PCLO: variants seen among roughly 807,000 people sequenced by gnomAD.
PCLO encodes piccolo presynaptic cytomatrix protein.
Under a neutral mutation model 427.5 loss-of-function variants are expected in PCLO, and 82 were observed. The observed-to-expected ratio is 0.19, with a 90% CI of 0.16 to 0.23. The LOEUF is 0.23. Ranked by LOEUF, PCLO falls within the 10% of genes least tolerant of loss-of-function variation. The pLI is 1.00. For synonymous variants in PCLO, 2,357 were observed against 2,155.4 expected (o/e 1.09, Z -2.59); for missense variants, 6,239 against 6,115.9 (o/e 1.02, Z -0.67).
At chr7:82,994,922 T>C (rs1796461799) in intron 3 of PCLO, among the ~76,000 whole-genome samples, 1 of 151,998 alleles carries the variant, frequency 6.6e-6, no homozygotes, top group South Asian at 2.1e-4. Context: ...AAGATTATTC[T>C]GTAATTACTG....
chr7:82,797,579 A>C (rs898651494), intron 22 of PCLO, among the ~76,000 whole-genome samples: 1 of 152,156 alleles, frequency 6.6e-6, no homozygotes, highest in Non-Finnish European at 1.5e-5. Context: ...TTTGGATGGG[A>C]TCAAAATGAC....
Position 82,955,623 on chromosome 7 carries a change from T to C in PCLO, c.5330A>G (p.Glu1777Gly). Residue 1777 changes from glutamate to glycine, a missense_variant, in exon 5 of 25, where the codon GAA becomes GGA. This residue lies in a region of PCLO where 4,677 missense variants were observed against 4,468.4 expected (regional missense o/e 1.05). Transcript: ENST00000333891. ...LPTIEDSSEE[E>G]ELREEEELLK... The stretch of plus-strand genomic sequence containing the variant: ...TAATTCTTCTTCCTCTCTCAATTCT[T>C]CTTCCTCTGAAGAATCTTCAATAGT... 6.2e-7 allele frequency: 1 copy of C among 1,613,980 alleles called. No homozygotes were observed. Among genetic ancestry groups the C allele is most frequent in the Non-Finnish European group, 8.5e-7 (1 of 1,179,872 alleles).
Position 82,952,499 on chromosome 7 carries a change from A to T in PCLO, c.8454T>A (p.His2818Gln), listed in dbSNP as rs1194883100. Residue 2818 changes from histidine to glutamine, a missense_variant, in exon 5 of 25, where the codon CAT (histidine) becomes CAA (glutamine). His to Gln is a conservative substitution (Grantham distance 24). This residue lies in a region of PCLO where 4,677 missense variants were observed against 4,468.4 expected (regional missense o/e 1.05). Transcript: ENST00000333891. ...TAAGTTGGAGTGGTGTTGTCATTGC[A>T]TGTTCTGCACCCACTAGGCTTTCTG... is the stretch of plus-strand genomic sequence containing the variant. ...TGTESLVGAE[H>Q]AMTTPLQLTT... is the part of the protein sequence containing the mutation. 2.5e-6 allele frequency: 4 copies of T among 1,613,782 alleles called. No individual in the cohort carries two copies. Among genetic ancestry groups the T allele is most frequent in the Non-Finnish European group, 3.4e-6 (4 of 1,179,856 alleles).
chr7:82,908,987 C>T lies in PCLO; in HGVS notation c.13327G>A (p.Asp4443Asn), dbSNP rs764069302. Reference sequence around the variant, plus strand: ...GACTCCCTGGGTTTATCAAACCAATCTGTTTCCTCACGACGCAGATGATAG... The same window carrying T: ...GACTCCCTGGGTTTATCAAACCAATTTGTTTCCTCACGACGCAGATGATAG... ...EAYHLRREET[D>N]WFDKPRESRL... The change falls in exon 8 of 25, where the codon GAT becomes AAT. Residue 4443 changes from aspartate (D) to asparagine (N), a missense_variant. Asp to Asn is a conservative substitution (Grantham distance 23). Coordinates refer to ENST00000333891, the MANE Select transcript of PCLO (RefSeq NM_033026.6). The T allele has an allele frequency of 3.7e-6, 6 of 1,612,812 alleles. No individual in the cohort carries two copies. Among genetic ancestry groups the T allele is most frequent in the Non-Finnish European group, 5.1e-6 (6 of 1,179,182 alleles).
chr7:83,049,420 C>T (rs183676435), intron 3 of PCLO, among the ~76,000 whole-genome samples: 169 of 152,136 alleles, frequency 1.1e-3, no homozygotes, highest in African/African-American at 3.9e-3. Context: ...GCATTATTTC[C>T]AAAAGCCAGC....
chr7:82,805,623 CTGT>C (rs1791441150), intron 21 of PCLO, 62 bp downstream of exon 21: 1 of 1,478,476 alleles, frequency 6.8e-7, no homozygotes, highest in African/African-American at 1.4e-5. Flanking sequence ...TTCCTGTTAA[CTGT>C]TGAGAATGCC....
chr7:83,123,054 T>C (rs905405901), intron 3 of PCLO, among the ~76,000 whole-genome samples: 2 of 152,168 alleles, frequency 1.3e-5, no homozygotes, highest in African/African-American at 4.8e-5. Context: ...ATGTCCATAC[T>C]ACCCAAAGCA....
At chr7:82,997,153 C>T (rs1467851836) in intron 3 of PCLO, among the ~76,000 whole-genome samples, 1 of 151,928 alleles carries the variant, frequency 6.6e-6, no homozygotes, top group Non-Finnish European at 1.5e-5. Flanking sequence ...CTTCAATGAA[C>T]AGACTCTTAT....
intron 9 of PCLO, among the ~76,000 whole-genome samples, chr7:82,885,665 G>A (rs998190942): frequency 6.6e-6 from 1 of 152,052 alleles, no homozygotes; most frequent in African/African-American, 2.4e-5. Context: ...ATTGAGCAGT[G>A]ATAGAGGGTA....
chr7:83,006,108 C>A (rs1442962407), intron 3 of PCLO, among the ~76,000 whole-genome samples: 1 of 151,550 alleles, frequency 6.6e-6, no homozygotes, highest in Non-Finnish European at 1.5e-5. Flanking sequence ...GTCCCCCCTT[C>A]CAAAGGGTTT....
At chr7:83,066,578 G>A (rs1481185850) in intron 3 of PCLO, among the ~76,000 whole-genome samples, 1 of 152,012 alleles carries the variant, frequency 6.6e-6, no homozygotes, top group Non-Finnish European at 1.5e-5. Flanking sequence ...TTAACTTTAG[G>A]AGACTTTTCA....
At chr7:83,071,021 T>G (rs989050596) in intron 3 of PCLO, among the ~76,000 whole-genome samples, 4 of 152,230 alleles carry the variant, frequency 2.6e-5, no homozygotes, top group South Asian at 2.1e-4. Flanking sequence ...ATTTTTTTTT[T>G]TGGATTTGAA....
At position 82,950,105 on chromosome 7, in the gene PCLO, C is replaced by G; in HGVS notation, c.10483G>C (p.Gly3495Arg). The G allele has an allele frequency of 6.2e-7, 1 of 1,610,784 alleles. No individual in the cohort carries two copies. The highest frequency in any genetic ancestry group is 8.5e-7 in the Non-Finnish European group (1 of 1,179,344). Residue 3495 changes from glycine to arginine, a missense_variant, in exon 6 of 25, where the codon GGG becomes CGG. This residue lies in a region of PCLO where 4,677 missense variants were observed against 4,468.4 expected (regional missense o/e 1.05). Transcript: ENST00000333891. ...TCTGTCATGCTGTCACCATATTTCC[C>G]TACACGAGCTTTCCTCCTTGATCTA... ...PTRSRRKARVGKYGDSMTEAD... is the reference protein window; with the variant it reads ...PTRSRRKARVRKYGDSMTEAD...
intron 3 of PCLO, among the ~76,000 whole-genome samples, chr7:82,989,366 G>A (rs1277555028): frequency 6.6e-6 from 1 of 151,822 alleles, no homozygotes; most frequent in Non-Finnish European, 1.5e-5. Flanking sequence ...TAACTCTTTG[G>A]GGGCAGAAAA....
chr7:83,118,957 A>G (rs1158132391), intron 3 of PCLO, among the ~76,000 whole-genome samples: 4 of 152,104 alleles, frequency 2.6e-5, no homozygotes, highest in African/African-American at 9.7e-5. Context: ...TTCCCCTTGC[A>G]GAAAGGAGAG....
At chr7:82,781,921 C>T (rs1462780430) in intron 22 of PCLO, among the ~76,000 whole-genome samples, 2 of 152,170 alleles carry the variant, frequency 1.3e-5, no homozygotes, top group Admixed American at 6.5e-5. Context: ...GGAAGCTTCT[C>T]GCCCCTTCCC....
intron 7 of PCLO, among the ~76,000 whole-genome samples, chr7:82,909,766 C>G (rs551006673): frequency 2.6e-5 from 4 of 151,938 alleles, no homozygotes; most frequent in African/African-American, 9.7e-5. Context: ...ATTAAAAATA[C>G]CTCTATTGTA....
At chr7:82,788,015 A>G (rs1251962521) in intron 22 of PCLO, among the ~76,000 whole-genome samples, 1 of 151,852 alleles carries the variant, frequency 6.6e-6, no homozygotes, top group Non-Finnish European at 1.5e-5. Context: ...TTTTCCACCA[A>G]CTAAAATAGA....
intron 6 of PCLO, among the ~76,000 whole-genome samples, chr7:82,934,341 CTG>C (rs1794904327): frequency 6.6e-6 from 1 of 151,768 alleles, no homozygotes; most frequent in African/African-American, 2.4e-5. Context: ...ATTAATTAAA[CTG>C]TGTATGGATC....
Sources: allele counts gnomAD v4.1 joint callset (sites outside exome capture counted in the v4.1 genomes callset), GRCh38; gene constraint gnomAD v4.1.1; regional missense constraint gnomAD v4.1.1; transcripts MANE v1.5; gene names NCBI Gene and HGNC (gene_info 2026-07-23, HGNC 2026-07-21).